The following COL23A1 variants were observed in gnomAD, a reference collection of about 807,000 sequenced individuals.
COL23A1 encodes the protein collagen alpha-1(XXIII) chain.
A neutral mutation model predicts 99.3 loss-of-function variants in COL23A1; 97 were observed. That is an observed-to-expected ratio of 0.98 (90% CI 0.83 to 1.16). COL23A1 has a LOEUF of 1.16. COL23A1 is among the 50% of genes most tolerant of loss of function. COL23A1 has a pLI of 0.00. For missense variants in COL23A1, 762 were observed against 757.4 expected, an observed-to-expected ratio of 1.01 and a Z score of -0.07; for synonymous variants, 320 against 308.2, an observed-to-expected ratio of 1.04 and a Z score of -0.40.
At chr5:178,396,999 C>G (rs1342845064) in intron 2 of COL23A1, among the ~76,000 whole-genome samples, 1 of 152,218 alleles carries the variant, frequency 6.6e-6, no homozygotes, top group East Asian at 1.9e-4. Context: ...CCATGTGTAG[C>G]AGATGGGAGT....
intron 2 of COL23A1, among the ~76,000 whole-genome samples, chr5:178,394,808 C>T (rs1374891378): frequency 2.0e-5 from 3 of 152,202 alleles, no homozygotes; most frequent in Non-Finnish European, 4.4e-5. Flanking sequence ...CGGGCAAGGG[C>T]TGAGGGGAAT....
chr5:178,421,265 C>T (rs1308022991), intron 2 of COL23A1, among the ~76,000 whole-genome samples: 1 of 152,126 alleles, frequency 6.6e-6, no homozygotes, highest in South Asian at 2.1e-4. Flanking sequence ...AGGAGAAGAG[C>T]AACACGTAAC....
At position 178,358,399 on chromosome 5, in the gene COL23A1, GTGTA is replaced by G. The variant is rs750635765; in HGVS notation, c.362-51484_362-51481del. The stretch of plus-strand genomic sequence containing the variant: ...GTATGTCTAATGTGTGTATGTGTAT[GTGTA>G]TGTGTGTATGTGTATGTGTGTGTAT... On this transcript the variant is annotated intron_variant, in intron 2 of 28. Transcript: ENST00000390654. Among the ~76,000 whole-genome samples, 226 of 142,814 alleles carry G rather than the reference GTGTA, an allele frequency of 1.6e-3. 1 individual carries two copies. Among genetic ancestry groups the G allele is most frequent in the South Asian group, 7.4e-3 (34 of 4,616 alleles). 93.7% of individuals were successfully genotyped at this position (142,814 alleles called of 152,430 possible).
chr5:178,305,711 G>C (rs920160033), intron 3 of COL23A1, among the ~76,000 whole-genome samples: 57 of 152,250 alleles, frequency 3.7e-4, no homozygotes, highest in African/African-American at 1.3e-3. Context: ...AGAAGGTGGA[G>C]AGCCCTGGAC....
chr5:178,345,271 C>T (rs1479279242), intron 2 of COL23A1: 63 of 690,816 alleles, frequency 9.1e-5, no homozygotes, highest in South Asian at 6.4e-4. Flanking sequence ...TTGATGAACT[C>T]GGTGCCAGTA....
chr5:178,479,908 C>CA lies in COL23A1; in HGVS notation c.361+80773_361+80774insT, dbSNP rs1286610159. On this transcript the variant is annotated intron_variant, in intron 2 of 28. Coordinates refer to ENST00000390654, the MANE Select transcript of COL23A1 (RefSeq NM_173465.4). ...TGAACTTACACAAACCTAGATGGGG[C>CA]GGCCTACTGCACACCCAGGCTGTGT... is the stretch of plus-strand genomic sequence containing the variant. Among the ~76,000 whole-genome samples the CA allele has an allele frequency of 3.3e-5, 5 of 152,236 alleles. No homozygotes were observed. The East Asian group carries it at 9.7e-4, about 29-fold the overall frequency.
intron 2 of COL23A1, among the ~76,000 whole-genome samples, chr5:178,552,877 C>G (rs1448708091): frequency 2.0e-5 from 3 of 151,942 alleles, no homozygotes; most frequent in Admixed American, 6.6e-5. Flanking sequence ...CCACACCTGG[C>G]TAATTTTTGT....
chr5:178,576,123 C>G (rs1391568377), intron 1 of COL23A1, among the ~76,000 whole-genome samples: 1 of 152,188 alleles, frequency 6.6e-6, no homozygotes, highest in Admixed American at 6.5e-5. Context: ...CTCCAACTTA[C>G]AGCCGTTGGG....
rs539637485 is a variant in COL23A1, at chr5:178,482,771, G to A, written c.361+77911C>T. On this transcript the variant is annotated intron_variant, in intron 2 of 28. Transcript: ENST00000390654. ...CAAAAAATCGGCCGGGCGTGGTGGC[G>A]GGTGCCTGTAGTCCCAGCTATTCAG... Among the ~76,000 whole-genome samples, 16 of 152,250 alleles carry A rather than the reference G, an allele frequency of 1.1e-4. No homozygotes were observed. The South Asian group carries it at 2.3e-3, about 22-fold the overall frequency.
chr5:178,359,974 A>G (rs762326786), intron 2 of COL23A1, among the ~76,000 whole-genome samples: 2 of 152,204 alleles, frequency 1.3e-5, no homozygotes, highest in Non-Finnish European at 2.9e-5. Flanking sequence ...AGCTTACGGG[A>G]GCGGAAAAGC....
rs1760175079 is a variant in COL23A1, at chr5:178,333,835, G to A, written c.362-26916C>T. ...GGGTGAGTTTAGAGAACGCAGCACG[G>A]GGAAGGCTGATCCACCCTGCTTCTT... On this transcript the variant is annotated intron_variant, in intron 2 of 28. Coordinates refer to ENST00000390654, the MANE Select transcript of COL23A1 (RefSeq NM_173465.4). Among the ~76,000 whole-genome samples, 3 of 152,142 alleles carry A rather than the reference G, an allele frequency of 2.0e-5. No individual in the cohort carries two copies. The South Asian group carries it at 6.2e-4, about 32-fold the overall frequency.
intron 3 of COL23A1, among the ~76,000 whole-genome samples, chr5:178,291,981 A>G (rs1489509001): frequency 1.3e-5 from 2 of 152,134 alleles, no homozygotes; most frequent in Non-Finnish European, 2.9e-5. Flanking sequence ...CTGTCAGCCA[A>G]TGACCTTGAT....
Position 178,358,020 on chromosome 5 carries a change from G to A in COL23A1, c.362-51101C>T, listed in dbSNP as rs111208179. Among the ~76,000 whole-genome samples the A allele has an allele frequency of 5.8e-3, 829 of 142,826 alleles. 35 individuals carry two copies. Among genetic ancestry groups the A allele is most frequent in the Middle Eastern group, 0.023 (6 of 258 alleles). 93.7% of individuals were successfully genotyped at this position (142,826 alleles called of 152,430 possible). On this transcript the variant is annotated intron_variant, in intron 2 of 28. Coordinates refer to ENST00000390654, the MANE Select transcript of COL23A1 (RefSeq NM_173465.4). ...TGTGTATATGTATGTGTGTGTATGT[G>A]TGTGTATGCGTATGTGTATGTGTAT...
intron 2 of COL23A1, among the ~76,000 whole-genome samples, chr5:178,333,255 C>T (rs948377205): frequency 3.9e-5 from 6 of 152,184 alleles, no homozygotes; most frequent in Admixed American, 6.5e-5. Flanking sequence ...CGCGCCCGGC[C>T]GACTCATGTT....
intron 2 of COL23A1, among the ~76,000 whole-genome samples, chr5:178,487,243 C>T (rs975145475): frequency 2.6e-5 from 4 of 152,068 alleles, no homozygotes; most frequent in African/African-American, 9.7e-5. Context: ...GCCAGGGCTT[C>T]CCTGGTAAAT....
At chr5:178,454,536 C>T (rs926970672) in intron 2 of COL23A1, among the ~76,000 whole-genome samples, 63 of 152,322 alleles carry the variant, frequency 4.1e-4, no homozygotes, top group African/African-American at 1.5e-3. Context: ...CCTGGCAAGG[C>T]ATTTAACATC....
At chr5:178,512,710 C>T (rs982741931) in intron 2 of COL23A1, among the ~76,000 whole-genome samples, 1 of 152,116 alleles carries the variant, frequency 6.6e-6, no homozygotes, top group Non-Finnish European at 1.5e-5. Context: ...TCCATTCTGC[C>T]GTAATCTGCA....
chr5:178,410,441 T>C (rs1765001280), intron 2 of COL23A1, among the ~76,000 whole-genome samples: 4 of 152,182 alleles, frequency 2.6e-5, no homozygotes, highest in Admixed American at 6.5e-5. Context: ...AGAACAAAGT[T>C]GGAAGACTCA....
chr5:178,394,934 G>A (rs1387557165), intron 2 of COL23A1, among the ~76,000 whole-genome samples: 1 of 127,526 alleles, frequency 7.8e-6, no homozygotes, highest in Non-Finnish European at 1.7e-5. Flanking sequence ...AGGCGCTCTG[G>A]GCATTCGGCT....
Sources: allele counts gnomAD v4.1 joint callset (sites outside exome capture counted in the v4.1 genomes callset), GRCh38; gene constraint gnomAD v4.1.1; transcripts MANE v1.5; gene names NCBI Gene and HGNC (gene_info 2026-07-23, HGNC 2026-07-21).